LMO7: variants seen among roughly 807,000 people sequenced by gnomAD.
The protein encoded by LMO7 is LIM domain 7.
LMO7 carries 120 observed loss-of-function variants against 206.5 expected under a neutral mutation model. The ratio of observed to expected loss-of-function variants is 0.58; its 90% CI spans 0.50 to 0.68. LMO7 has a LOEUF of 0.68. Among genes scored for constraint, LMO7 ranks in the 30% least tolerant of loss-of-function variants. The pLI, the probability that LMO7 is intolerant of heterozygous loss-of-function variation, is 0.00. For synonymous variants in LMO7, 706 were observed against 681.5 expected, an observed-to-expected ratio of 1.04 and a Z score of -0.56; for missense variants, 1,959 against 1,957.9, an observed-to-expected ratio of 1.00 and a Z score of -0.01.
At chr13:75,702,641 G>A (rs117190441) in intron 1 of LMO7, among the ~76,000 whole-genome samples, 30 of 152,358 alleles carry the variant, frequency 2.0e-4, no homozygotes, top group Non-Finnish European at 2.9e-4. Flanking sequence ...CAAGAACATG[G>A]TGTAATTCAG....
intron 1 of LMO7, among the ~76,000 whole-genome samples, chr13:75,648,948 GA>G (rs1163911353): frequency 1.3e-5 from 2 of 152,212 alleles, no homozygotes; most frequent in African/African-American, 2.4e-5. Context: ...CAGGAAGCTT[GA>G]GAATGGGAAA....
At chr13:75,681,727 T>TATATATATATAC (rs2040526623) in intron 1 of LMO7, among the ~76,000 whole-genome samples, 1 of 103,572 alleles carries the variant, frequency 9.7e-6, no homozygotes, top group Non-Finnish European at 2.2e-5. Flanking sequence ...TGTATATATA[T>TATATATATATAC]ATATATATAT....
At chr13:75,790,471 C>T (rs941330030) in intron 4 of LMO7, among the ~76,000 whole-genome samples, 17 of 152,134 alleles carry the variant, frequency 1.1e-4, no homozygotes, top group African/African-American at 3.1e-4. Context: ...CCCAAAGTCC[C>T]GCACTCAACC....
chr13:75,684,050 C>G (rs1400865149), intron 1 of LMO7, among the ~76,000 whole-genome samples: 1 of 152,010 alleles, frequency 6.6e-6, no homozygotes, highest in Non-Finnish European at 1.5e-5. Flanking sequence ...GGAGGGGGGA[C>G]AGAATGAGGC....
At chr13:75,666,848 C>T (rs1385567004) in intron 1 of LMO7, among the ~76,000 whole-genome samples, 1 of 152,092 alleles carries the variant, frequency 6.6e-6, no homozygotes, top group Non-Finnish European at 1.5e-5. Flanking sequence ...GTGAGTTGCC[C>T]AGAAGCCAGC....
chr13:75,706,538 CTTATA>C (rs1245499328), intron 1 of LMO7, among the ~76,000 whole-genome samples: 1 of 130,554 alleles, frequency 7.7e-6, no homozygotes, highest in Non-Finnish European at 1.6e-5. Context: ...GAGAACTTAT[CTTATA>C]CTGAAATTTA....
chr13:75,851,695 A>C (rs1315169152), intron 27 of LMO7, among the ~76,000 whole-genome samples: 1 of 149,130 alleles, frequency 6.7e-6, no homozygotes, highest in Non-Finnish European at 1.5e-5. Context: ...TTAGTACATG[A>C]ATTTTAAGAG....
At chr13:75,839,833 A>G (rs2059430771) in intron 20 of LMO7, 1 of 397,958 alleles carries the variant, frequency 2.5e-6, no homozygotes, top group South Asian at 6.6e-5. Flanking sequence ...TCCTACTCTA[A>G]TACCTAGAGC....
At chr13:75,739,039 C>G (rs1310441931) in intron 3 of LMO7, among the ~76,000 whole-genome samples, 1 of 152,138 alleles carries the variant, frequency 6.6e-6, no homozygotes. Flanking sequence ...GATGCCATTC[C>G]CCCATTTGTG....
upstream of LMO7, among the ~76,000 whole-genome samples, chr13:75,634,156 A>C (rs1447259764): frequency 6.6e-6 from 1 of 151,690 alleles, no homozygotes; most frequent in Non-Finnish European, 1.5e-5. Flanking sequence ...TAGGGGTGAA[A>C]TCTCCTATCT....
rs568955779 is a variant in LMO7, at chr13:75,727,955, G to T, written c.210+857G>T. Among the ~76,000 whole-genome samples, 870 of 151,908 alleles carry T rather than the reference G, an allele frequency of 5.7e-3. 7 individuals are homozygous for T. Among genetic ancestry groups the T allele is most frequent in the Non-Finnish European group, 9.1e-3 (620 of 67,932 alleles). ...CCATGTCCCTACAAAGGACATGAAC[G>T]CATCATTTTTTATGGCTGCATAGTA... On this transcript the variant is annotated intron_variant, in intron 3 of 30. Transcript: ENST00000377534.
At chr13:75,721,801 TATA>T (rs1170998093) in intron 2 of LMO7, among the ~76,000 whole-genome samples, 18 of 152,272 alleles carry the variant, frequency 1.2e-4, no homozygotes, top group African/African-American at 4.1e-4. Context: ...ATCTTTTTCA[TATA>T]ATGACTTATT....
intron 1 of LMO7, among the ~76,000 whole-genome samples, chr13:75,636,938 C>T (rs1391022309): frequency 6.6e-6 from 1 of 152,172 alleles, no homozygotes; most frequent in African/African-American, 2.4e-5. Context: ...GCTGCCCTAA[C>T]CCCCGCCCCC....
At chr13:75,680,576 T>TC (rs1367134554) in intron 1 of LMO7, among the ~76,000 whole-genome samples, 1 of 151,948 alleles carries the variant, frequency 6.6e-6, no homozygotes, top group Non-Finnish European at 1.5e-5. Context: ...CTTGACTTTT[T>TC]TTTTTTTAAT....
chr13:75,674,712 T>G (rs571029717), intron 1 of LMO7, among the ~76,000 whole-genome samples: 1 of 152,348 alleles, frequency 6.6e-6, no homozygotes, highest in Non-Finnish European at 1.5e-5. Flanking sequence ...CTTGAGAGTT[T>G]GGGAATACAC....
chr13:75,841,392 A>G (rs1008764184), intron 23 of LMO7, among the ~76,000 whole-genome samples, 191 bp downstream of exon 23: 1 of 152,168 alleles, frequency 6.6e-6, no homozygotes, highest in Non-Finnish European at 1.5e-5. Context: ...CCTAGTTTTT[A>G]TAGTACATCA....
intron 1 of LMO7, among the ~76,000 whole-genome samples, chr13:75,659,529 G>T (rs909646433): frequency 6.6e-6 from 1 of 151,944 alleles, no homozygotes; most frequent in African/African-American, 2.4e-5. Flanking sequence ...AAGAGAAAAT[G>T]AGGAAGAAGC....
chr13:75,662,849 T>G (rs893859065), intron 1 of LMO7, among the ~76,000 whole-genome samples: 1 of 152,214 alleles, frequency 6.6e-6, no homozygotes, highest in Non-Finnish European at 1.5e-5. Context: ...TTAATGTAAC[T>G]GGCCTGGGAT....
At chr13:75,799,127 A>T (rs756949242) in intron 6 of LMO7, among the ~76,000 whole-genome samples, 3 of 152,210 alleles carry the variant, frequency 2.0e-5, no homozygotes, top group Non-Finnish European at 2.9e-5. Flanking sequence ...TCGGCATCTA[A>T]AGCACATGAA....
Sources: allele counts gnomAD v4.1 joint callset (sites outside exome capture counted in the v4.1 genomes callset), GRCh38; gene constraint gnomAD v4.1.1; transcripts MANE v1.5; gene names NCBI Gene and HGNC (gene_info 2026-07-23, HGNC 2026-07-21).